Variants in PACRG observed in about 807,000 individuals in gnomAD.
The protein encoded by PACRG is parkin coregulated.
PACRG carries 29 observed loss-of-function variants against 29.7 expected under a neutral mutation model. The observed-to-expected ratio is 0.98, with a 90% confidence interval of 0.73 to 1.33. The LOEUF (loss-of-function observed/expected upper bound fraction) is 1.33. Ranked by LOEUF, PACRG falls within the 40% of genes most tolerant of loss-of-function variation. The pLI is 0.00. For synonymous variants in PACRG, 116 were observed against 118.7 expected, an observed-to-expected ratio of 0.98 and a Z score of 0.15; for missense variants, 279 against 316.2, an observed-to-expected ratio of 0.88 and a Z score of 0.89.
At chr6:163,049,550 C>T (rs1585090878) in intron 2 of PACRG, among the ~76,000 whole-genome samples, 1 of 151,936 alleles carries the variant, frequency 6.6e-6, no homozygotes, top group East Asian at 1.9e-4. Context: ...AAAATTGAAA[C>T]TCCTATCACA....
intron 4 of PACRG, among the ~76,000 whole-genome samples, chr6:163,118,087 C>G (rs1054976979): frequency 1.3e-5 from 2 of 152,200 alleles, no homozygotes; most frequent in Non-Finnish European, 2.9e-5. Context: ...TATATAGTCT[C>G]TGTGCATTAG....
intron 2 of PACRG, among the ~76,000 whole-genome samples, chr6:162,961,856 T>G (rs1026841792): frequency 6.6e-6 from 1 of 152,182 alleles, no homozygotes; most frequent in African/African-American, 2.4e-5. Flanking sequence ...GCTTTAGTGA[T>G]TCTTCCTTCT....
At chr6:163,236,144 C>T (rs1399174978) in intron 4 of PACRG, among the ~76,000 whole-genome samples, 2 of 54,244 alleles carry the variant, frequency 3.7e-5, no homozygotes, top group East Asian at 1.9e-3. Context: ...TATGGCATAC[C>T]CTGTATGAAC....
At chr6:163,310,466 G>A (rs183887087) in intron 4 of PACRG, 1 of 152,196 alleles carries the variant, frequency 6.6e-6, no homozygotes, top group Non-Finnish European at 1.5e-5. Flanking sequence ...TTGCCCTATA[G>A]CGCGGAGTAG....
chr6:162,763,243 A>G (rs1782518693), intron 1 of PACRG, among the ~76,000 whole-genome samples: 1 of 152,182 alleles, frequency 6.6e-6, no homozygotes, highest in Admixed American at 6.5e-5. Flanking sequence ...TGGACCTGAG[A>G]TGTTTCCTCA....
intron 4 of PACRG, among the ~76,000 whole-genome samples, chr6:163,177,949 T>C (rs1779466508): frequency 6.6e-6 from 1 of 152,078 alleles, no homozygotes; most frequent in South Asian, 2.1e-4. Flanking sequence ...CAGGCACAAA[T>C]CTGCTCTGTC....
intron 4 of PACRG, among the ~76,000 whole-genome samples, chr6:163,150,393 A>G (rs183805556): frequency 5.8e-4 from 89 of 152,262 alleles, no homozygotes; most frequent in Non-Finnish European, 5.0e-4. Flanking sequence ...CCTCCTCTAC[A>G]GGCTTCTGTC....
chr6:163,229,187 C>A (rs1781925359), intron 4 of PACRG, among the ~76,000 whole-genome samples: 1 of 152,076 alleles, frequency 6.6e-6, no homozygotes, highest in Non-Finnish European at 1.5e-5. Context: ...TAGTGAGACC[C>A]CCGTCTCTAC....
intron 2 of PACRG, among the ~76,000 whole-genome samples, chr6:162,990,735 TA>T (rs1803381410): frequency 7.3e-6 from 1 of 136,484 alleles, no homozygotes; most frequent in Non-Finnish European, 1.5e-5. Context: ...AGAAGCTCTT[TA>T]GTTTAATTAG....
intron 4 of PACRG, chr6:163,165,572 G>A (rs1778762435): frequency 6.4e-6 from 1 of 155,908 alleles, no homozygotes; most frequent in South Asian, 2.0e-4. Context: ...GGGAAAAAGG[G>A]GAAATGGCCA....
intron 1 of PACRG, among the ~76,000 whole-genome samples, chr6:162,804,905 A>G (rs915718280): frequency 1.3e-5 from 2 of 152,196 alleles, no homozygotes; most frequent in African/African-American, 2.4e-5. Context: ...TGAACATCAT[A>G]CAGTGTACTT....
intron 2 of PACRG, among the ~76,000 whole-genome samples, chr6:162,976,549 A>G (rs1006054579): frequency 6.6e-6 from 1 of 152,214 alleles, no homozygotes; most frequent in African/African-American, 2.4e-5. Context: ...CTGTACAGAA[A>G]GATAATAAGA....
intron 2 of PACRG, among the ~76,000 whole-genome samples, chr6:162,932,026 T>C (rs371060672): frequency 9.9e-5 from 15 of 152,012 alleles, no homozygotes; most frequent in African/African-American, 3.4e-4. Context: ...CCTACAGTTC[T>C]TGGGTAAGCA....
At chr6:163,052,041 T>C (rs1475465416) in intron 2 of PACRG, 1 of 152,150 alleles carries the variant, frequency 6.6e-6, no homozygotes, top group African/African-American at 2.4e-5. Flanking sequence ...CACTGGAAAA[T>C]ATAAGGTGAG....
intron 4 of PACRG, among the ~76,000 whole-genome samples, chr6:163,273,951 T>C (rs2128181251): frequency 6.6e-6 from 1 of 152,348 alleles, no homozygotes; most frequent in South Asian, 2.1e-4. Flanking sequence ...AAGTAATGCA[T>C]TTTTCTCTGA....
At chr6:163,152,715 C>G (rs1375613998) in intron 4 of PACRG, among the ~76,000 whole-genome samples, 1 of 152,214 alleles carries the variant, frequency 6.6e-6, no homozygotes, top group Non-Finnish European at 1.5e-5. Context: ...GCCTGCCTAG[C>G]AGCTTACAGC....
At chr6:162,763,488 C>T (rs12215676) in intron 1 of PACRG, among the ~76,000 whole-genome samples, 2 of 152,072 alleles carry the variant, frequency 1.3e-5, no homozygotes, top group African/African-American at 4.8e-5. Context: ...TTATGAATGT[C>T]AAGGACTATT....
intron 4 of PACRG, among the ~76,000 whole-genome samples, chr6:163,152,740 T>A (rs182827821): frequency 8.5e-4 from 130 of 152,328 alleles, no homozygotes; most frequent in Admixed American, 1.9e-3. Flanking sequence ...TTGGAAGGCG[T>A]TGAAAGCCAT....
chr6:162,808,284 G>A (rs1429656347), intron 1 of PACRG, among the ~76,000 whole-genome samples: 5 of 152,156 alleles, frequency 3.3e-5, no homozygotes, highest in East Asian at 3.9e-4. Context: ...TAACAATGGC[G>A]TTTTCATGAA....
Sources: allele counts gnomAD v4.1 joint callset (sites outside exome capture counted in the v4.1 genomes callset), GRCh38; gene constraint gnomAD v4.1.1; transcripts MANE v1.5; gene names NCBI Gene and HGNC (gene_info 2026-07-23, HGNC 2026-07-21).